ADGRL2: variants seen among roughly 807,000 people sequenced by gnomAD.
The protein encoded by ADGRL2 is calcium-independent alpha-latrotoxin receptor 2.
A neutral mutation model predicts 157.4 loss-of-function variants in ADGRL2; 44 were observed. That is an observed-to-expected ratio of 0.28 (90% CI 0.22 to 0.36). ADGRL2 has a LOEUF of 0.36. Ranked by LOEUF, ADGRL2 falls within the 10% of genes least tolerant of loss-of-function variation. ADGRL2 has a pLI of 1.00. For missense variants in ADGRL2, 1,510 were observed against 1,768.9 expected (o/e 0.85, Z 2.63); for synonymous variants, 585 against 624.7 (o/e 0.94, Z 0.95).
chr1:81,760,879 AATT>A (rs1290462058), intron 1 of ADGRL2, among the ~76,000 whole-genome samples: 5 of 151,902 alleles, frequency 3.3e-5, no homozygotes, highest in Admixed American at 1.3e-4. Context: ...TTTTGAAAGG[AATT>A]ATTATTATTT....
chr1:81,464,970 A>G (rs1231359080), intron 2 of ADGRL2, among the ~76,000 whole-genome samples: 1 of 151,810 alleles, frequency 6.6e-6, no homozygotes, highest in Non-Finnish European at 1.5e-5. Flanking sequence ...AAAAAGGAAT[A>G]CTTGACAAAG....
chr1:81,635,506 T>C (rs1478490788), intron 3 of ADGRL2, among the ~76,000 whole-genome samples: 1 of 152,194 alleles, frequency 6.6e-6, no homozygotes, highest in East Asian at 1.9e-4. Flanking sequence ...AATTTGTTTC[T>C]CACAGTTCTG....
chr1:81,593,809 G>A (rs1346222398), intron 3 of ADGRL2, among the ~76,000 whole-genome samples: 1 of 152,116 alleles, frequency 6.6e-6, no homozygotes, highest in East Asian at 1.9e-4. Context: ...TTAAAAAAGA[G>A]TATCTCTATC....
At chr1:81,504,156 C>A (rs1402645885) in intron 2 of ADGRL2, among the ~76,000 whole-genome samples, 2 of 152,194 alleles carry the variant, frequency 1.3e-5, no homozygotes, top group African/African-American at 4.8e-5. Context: ...CGGGGCTGCC[C>A]AGCCCTGGCA....
intron 1 of ADGRL2, among the ~76,000 whole-genome samples, chr1:81,434,939 C>T (rs1016270669): frequency 6.6e-6 from 1 of 152,126 alleles, no homozygotes. Flanking sequence ...GCAAGGGACT[C>T]CTGTGAGAAT....
At chr1:81,942,195 A>G (rs553109740) in intron 5 of ADGRL2, 150 bp downstream of exon 5, 21 of 448,280 alleles carry the variant, frequency 4.7e-5, no homozygotes, top group Middle Eastern at 6.0e-4. Flanking sequence ...ACTGTTTACA[A>G]TGAAATTGTA....
At chr1:81,989,146 T>C (rs1427044703) in intron 23 of ADGRL2, among the ~76,000 whole-genome samples, 2 of 152,182 alleles carry the variant, frequency 1.3e-5, no homozygotes, top group Non-Finnish European at 2.9e-5. Flanking sequence ...CTGATTCAAA[T>C]AGAGCATGTT....
At chr1:81,532,739 A>T (rs1275279505) in intron 2 of ADGRL2, among the ~76,000 whole-genome samples, 1 of 151,712 alleles carries the variant, frequency 6.6e-6, no homozygotes, top group Non-Finnish European at 1.5e-5. Context: ...ACATAGTGAG[A>T]CCTCACCACT....
chr1:81,790,900 C>A (rs770772862), intron 2 of ADGRL2, among the ~76,000 whole-genome samples: 1 of 151,676 alleles, frequency 6.6e-6, no homozygotes, highest in Non-Finnish European at 1.5e-5. Flanking sequence ...CCTGTCTCTG[C>A]CAAAAATACA....
At chr1:81,731,716 A>C (rs2084730039) in intron 1 of ADGRL2, among the ~76,000 whole-genome samples, 1 of 152,144 alleles carries the variant, frequency 6.6e-6, no homozygotes, top group Non-Finnish European at 1.5e-5. Context: ...GACAGTGTTC[A>C]GTACCATTTA....
intron 3 of ADGRL2, among the ~76,000 whole-genome samples, chr1:81,634,510 TTG>T (rs1483363333): frequency 1.1e-5 from 1 of 87,878 alleles, no homozygotes; most frequent in African/African-American, 4.0e-5. Flanking sequence ...GTTAGCTATC[TTG>T]TTTTTTTTTT....
chr1:81,678,381 G>A (rs565161701), intron 3 of ADGRL2, among the ~76,000 whole-genome samples: 56 of 152,212 alleles, frequency 3.7e-4, no homozygotes, highest in Non-Finnish European at 7.4e-4. Context: ...CTCTGTCTAC[G>A]CAGGCAAGCA....
intron 1 of ADGRL2, among the ~76,000 whole-genome samples, chr1:81,347,578 G>A (rs760840106): frequency 1.5e-4 from 23 of 152,194 alleles, no homozygotes; most frequent in Non-Finnish European, 1.5e-5. Flanking sequence ...TCTAAGCAAA[G>A]TATGGAGGAT....
At position 81,446,228 on chromosome 1, in the gene ADGRL2, G is replaced by A. The variant is rs77338734; in HGVS notation, c.-248+1139G>A. 7.9e-3 allele frequency among the ~76,000 whole-genome samples: 1,207 copies of A among 152,224 alleles called. 13 individuals carry two copies. The highest frequency in any genetic ancestry group is 0.027 in the African/African-American group (1,125 of 41,518). ...CTGAAAGTGGGGTGCCTGCCAGCCC[G>A]GCGCACAGCACAGCGTAGTTGGAGA... On this transcript the variant is annotated intron_variant, in intron 2 of 24. Transcript: ENST00000370721.
At chr1:81,351,951 AG>A (rs1662927077) in intron 1 of ADGRL2, among the ~76,000 whole-genome samples, 2 of 152,246 alleles carry the variant, frequency 1.3e-5, no homozygotes, top group Non-Finnish European at 2.9e-5. Context: ...TTTCAGTGGC[AG>A]GTAGCCAAAA....
At chr1:81,859,695 A>G (rs980350139) in intron 2 of ADGRL2, among the ~76,000 whole-genome samples, 1 of 152,146 alleles carries the variant, frequency 6.6e-6, no homozygotes, top group African/African-American at 2.4e-5. Flanking sequence ...GGCATGTGTC[A>G]CCGTGCTTGG....
chr1:81,747,143 A>ATATATATG lies in ADGRL2; in HGVS notation c.-142-14662_-142-14661insTGTATATA, dbSNP rs1553148624. Reference sequence around the variant, plus strand: ...TGTGTATATATGTATATATGTATACATATATACGTATATATGTATGTGTGT... The same window carrying ATATATATG: ...TGTGTATATATGTATATATGTATACATATATATGTATATACGTATATATGTATGTGTGT... On this transcript the variant is annotated intron_variant, in intron 1 of 20. Transcript: ENST00000359929. Among the ~76,000 whole-genome samples the ATATATATG allele has an allele frequency of 1.9e-3, 267 of 139,638 alleles. 2 individuals carry two copies. The highest frequency in any genetic ancestry group is 7.5e-3 in the African/African-American group (258 of 34,174). The allele number at this position is 139,638 out of a possible 152,430, so 91.6% of individuals were successfully genotyped here. A position where few individuals can be genotyped will look rare whatever the true frequency, so the allele number is the denominator to read the frequency against.
At position 81,736,996 on chromosome 1, in the gene ADGRL2, G is replaced by A. The variant is rs573450528; in HGVS notation, c.-142-24815G>A. ...ACTACGGGTGCTCGCCACCATGCCC[G>A]GCTAATTTTTTGTATTTTTAGTAGA... On this transcript the variant is annotated intron_variant, in intron 1 of 20. Transcript: ENST00000359929. Among the ~76,000 whole-genome samples, 474 of 152,018 alleles carry A rather than the reference G, an allele frequency of 3.1e-3. 1 individual carries two copies. The highest frequency in any genetic ancestry group is 5.1e-3 in the Non-Finnish European group (348 of 67,994).
At chr1:81,492,522 A>G (rs2147959172) in intron 2 of ADGRL2, among the ~76,000 whole-genome samples, 1 of 152,334 alleles carries the variant, frequency 6.6e-6, no homozygotes, top group East Asian at 1.9e-4. Flanking sequence ...GATTATTGCT[A>G]GAAAAAAGTA....
Sources: gnomAD v4.1 joint callset for allele counts (sites outside exome capture counted in the v4.1 genomes callset) on GRCh38, gnomAD v4.1.1 for gene constraint, MANE v1.5 for transcripts, NCBI Gene and HGNC (gene_info 2026-07-23, HGNC 2026-07-21) for gene names.